RBMS3: variants seen among roughly 807,000 people sequenced by gnomAD.
RBMS3 encodes RNA-binding motif, single-stranded-interacting protein 3.
Under a neutral mutation model 66.8 loss-of-function variants are expected in RBMS3, and 27 were observed. The observed-to-expected ratio is 0.40, with a 90% CI of 0.30 to 0.56. The LOEUF (loss-of-function observed/expected upper bound fraction) is 0.56, where lower values mean the gene tolerates loss of function less well. Among genes scored for constraint, RBMS3 ranks in the 20% least tolerant of loss-of-function variants. The pLI is 0.40. For missense variants in RBMS3, 513 were observed against 549.5 expected, an observed-to-expected ratio of 0.93 and a Z score of 0.66; for synonymous variants, 188 against 183.0, an observed-to-expected ratio of 1.03 and a Z score of -0.22.
intron 6 of RBMS3, among the ~76,000 whole-genome samples, chr3:29,824,256 T>C: frequency 6.6e-6 from 1 of 152,070 alleles, no homozygotes. Context: ...ATGAAAGAGT[T>C]CTGAGGGAGC....
chr3:29,410,243 A>C, intron 1 of RBMS3, among the ~76,000 whole-genome samples: 1 of 152,228 alleles, frequency 6.6e-6, no homozygotes. Flanking sequence ...GTAACTTAGA[A>C]GGAAAAAACA....
At chr3:29,964,408 A>G (rs933883626) in intron 12 of RBMS3, among the ~76,000 whole-genome samples, 15 of 152,230 alleles carry the variant, frequency 9.9e-5, no homozygotes, top group African/African-American at 3.6e-4. Context: ...GCCAGGATAC[A>G]TTAGATCTAG....
chr3:29,296,242 G>T (rs765278948), intron 1 of RBMS3, among the ~76,000 whole-genome samples: 2 of 151,792 alleles, frequency 1.3e-5, no homozygotes, highest in African/African-American at 2.4e-5. Flanking sequence ...AGCAGTCAAG[G>T]ACAATGTTAA....
intron 3 of RBMS3, among the ~76,000 whole-genome samples, chr3:29,555,367 G>A (rs186141292): frequency 2.6e-5 from 4 of 152,148 alleles, no homozygotes; most frequent in East Asian, 3.9e-4. Flanking sequence ...CATCCCAACC[G>A]TTCTCTTCAA....
chr3:29,868,229 A>G (rs2059406878), intron 6 of RBMS3, among the ~76,000 whole-genome samples: 1 of 152,172 alleles, frequency 6.6e-6, no homozygotes, highest in Non-Finnish European at 1.5e-5. Context: ...CTCACAAGTT[A>G]TAGCCATATC....
intron 2 of RBMS3, among the ~76,000 whole-genome samples, chr3:29,486,800 A>C (rs979846420): frequency 6.6e-6 from 1 of 152,184 alleles, no homozygotes; most frequent in Non-Finnish European, 1.5e-5. Flanking sequence ...GACAGAGCTA[A>C]ATTTCAGTTT....
intron 4 of RBMS3, among the ~76,000 whole-genome samples, chr3:29,654,616 A>C (rs1208543622): frequency 7.0e-6 from 1 of 142,324 alleles, no homozygotes; most frequent in Non-Finnish European, 1.5e-5. Context: ...TTTTTGAGAG[A>C]GTTTCATTCT....
chr3:29,917,482 C>T (rs770910574), intron 10 of RBMS3, among the ~76,000 whole-genome samples: 9 of 151,984 alleles, frequency 5.9e-5, no homozygotes, highest in Non-Finnish European at 1.2e-4. Flanking sequence ...TATGTATAGT[C>T]CCTGTCTTTA....
intron 14 of RBMS3, among the ~76,000 whole-genome samples, chr3:29,999,344 A>T (rs1169480755): frequency 6.6e-6 from 1 of 152,226 alleles, no homozygotes; most frequent in Non-Finnish European, 1.5e-5. Context: ...ACATTGTAGA[A>T]GTCAGTGTGG....
At chr3:29,521,750 G>T (rs546144507) in intron 3 of RBMS3, among the ~76,000 whole-genome samples, 1 of 152,212 alleles carries the variant, frequency 6.6e-6, no homozygotes, top group Non-Finnish European at 1.5e-5. Context: ...TCATTTTTCA[G>T]TAGAGGAAAC....
intron 4 of RBMS3, among the ~76,000 whole-genome samples, chr3:29,729,104 G>A (rs1158644141): frequency 6.6e-6 from 1 of 151,862 alleles, no homozygotes; most frequent in East Asian, 1.9e-4. Flanking sequence ...ATTTACATTA[G>A]GTATTTCTCC....
At chr3:29,477,616 C>G (rs1318938562) in intron 2 of RBMS3, among the ~76,000 whole-genome samples, 3 of 151,636 alleles carry the variant, frequency 2.0e-5, no homozygotes, top group African/African-American at 7.3e-5. Context: ...ATTGCCATCT[C>G]TAATAATAAA....
intron 6 of RBMS3, among the ~76,000 whole-genome samples, chr3:29,769,144 G>A (rs559354055): frequency 6.6e-6 from 1 of 151,904 alleles, no homozygotes; most frequent in South Asian, 2.1e-4. Flanking sequence ...AGAGGTAGTA[G>A]TCAGGTAGCA....
Position 30,004,141 on chromosome 3 carries a change from T to G in RBMS3, c.*279T>G. The G allele has an allele frequency of 3.5e-6, 1 of 288,140 alleles. No individual in the cohort carries two copies. The highest frequency in any genetic ancestry group is 5.6e-5 in the East Asian group (1 of 17,796). 17.8% of individuals were successfully genotyped at this position (288,140 alleles called of 1,614,324 possible). The stretch of plus-strand genomic sequence containing the variant: ...AAAAAAACTACAAAAAACAAAACAT[T>G]GAAGGTTGATATTTTATGTGGAAGA... On this transcript the variant is annotated 3_prime_UTR_variant, in exon 15 of 15. Coordinates refer to ENST00000383767, the MANE Select transcript of RBMS3 (RefSeq NM_001003793.3).
At chr3:29,527,123 A>G (rs1263211388) in intron 3 of RBMS3, among the ~76,000 whole-genome samples, 4 of 144,482 alleles carry the variant, frequency 2.8e-5, no homozygotes, top group Non-Finnish European at 4.5e-5. Flanking sequence ...CCAGGCCATG[A>G]TATCTAGGAG....
At chr3:29,645,672 G>A (rs976462080) in intron 4 of RBMS3, among the ~76,000 whole-genome samples, 1 of 152,070 alleles carries the variant, frequency 6.6e-6, no homozygotes, top group Admixed American at 6.5e-5. Flanking sequence ...GTCAGCTTCT[G>A]TAACACGTTT....
chr3:29,287,529 C>G (rs9832625), intron 1 of RBMS3, among the ~76,000 whole-genome samples: 12 of 151,962 alleles, frequency 7.9e-5, no homozygotes, highest in African/African-American at 2.7e-4. Context: ...ATATGATGCT[C>G]TTCAGTGTTG....
intron 10 of RBMS3, among the ~76,000 whole-genome samples, chr3:29,931,535 G>A (rs1049329286): frequency 2.6e-5 from 4 of 152,158 alleles, no homozygotes; most frequent in Non-Finnish European, 4.4e-5. Context: ...TATCAAGGTA[G>A]ATAAGGATTA....
In RBMS3 at chr3:29,331,033, C is replaced by T. The variant is rs180766399; in HGVS notation, c.75+49277C>T. On this transcript the variant is annotated intron_variant, in intron 1 of 14. Transcript: ENST00000383767. The stretch of plus-strand genomic sequence containing the variant: ...CTATGTTGGCATATTTGTGCTGGTG[C>T]TGGGACAAGAGCATTGGCTGGACAT... Among the ~76,000 whole-genome samples the T allele has an allele frequency of 2.5e-3, 377 of 152,214 alleles. 2 individuals carry two copies. Among genetic ancestry groups the T allele is most frequent in the African/African-American group, 8.8e-3 (367 of 41,528 alleles).
Sources: gnomAD v4.1 joint callset for allele counts (sites outside exome capture counted in the v4.1 genomes callset) on GRCh38, gnomAD v4.1.1 for gene constraint, MANE v1.5 for transcripts, NCBI Gene and HGNC (gene_info 2026-07-23, HGNC 2026-07-21) for gene names.